CDK15: variants seen among roughly 807,000 people sequenced by gnomAD.
The protein encoded by CDK15 is cyclin dependent kinase 15.
A neutral mutation model predicts 60.3 loss-of-function variants in CDK15; 62 were observed. The observed-to-expected ratio is 1.03, with a 90% CI of 0.84 to 1.27. The LOEUF (loss-of-function observed/expected upper bound fraction) is 1.27, where lower values mean the gene tolerates loss of function less well. Among genes scored for constraint, CDK15 ranks in the 50% most tolerant of loss-of-function variants. The pLI, the probability that CDK15 is intolerant of heterozygous loss-of-function variation, is 0.00. For synonymous variants in CDK15, 194 were observed against 195.7 expected (o/e 0.99, Z 0.07); for missense variants, 541 against 527.8 (o/e 1.03, Z -0.25).
intron 12 of CDK15, among the ~76,000 whole-genome samples, chr2:201,887,016 AG>A (rs1370286679): frequency 6.6e-6 from 1 of 152,206 alleles, no homozygotes; most frequent in African/African-American, 2.4e-5. Flanking sequence ...ATAATTGAAT[AG>A]GGGGGAAAAC....
rs141564622 is a variant in CDK15, at chr2:201,871,081, C to T, written c.1010-1197C>T. On this transcript the variant is annotated intron_variant, in intron 10 of 13. Coordinates refer to ENST00000652192, the MANE Select transcript of CDK15 (RefSeq NM_001366386.2). ...TTATTATCACCTATTTTGGAATATTCAAGCCAGGATTCACTTCCATTTTTA... is the reference window on the plus strand; with the variant it reads ...TTATTATCACCTATTTTGGAATATTTAAGCCAGGATTCACTTCCATTTTTA... 2.8e-3 allele frequency among the ~76,000 whole-genome samples: 426 copies of T among 152,260 alleles called. 2 individuals carry two copies. Among genetic ancestry groups the T allele is most frequent in the African/African-American group, 9.2e-3 (381 of 41,556 alleles).
chr2:201,870,884 C>T (rs925507002), intron 10 of CDK15, among the ~76,000 whole-genome samples: 1 of 152,168 alleles, frequency 6.6e-6, no homozygotes, highest in African/African-American at 2.4e-5. Context: ...CCCTGCAGCT[C>T]CTCTTACATA....
At chr2:201,807,989 A>G (rs1695594618) in intron 3 of CDK15, 37 bp downstream of exon 3, 1 of 1,545,190 alleles carries the variant, frequency 6.5e-7, no homozygotes, top group Non-Finnish European at 8.9e-7. Context: ...TTTAGAGATG[A>G]GAGTCCCGCC....
intron 12 of CDK15, 26 bp from the exon 13 acceptor site, chr2:201,890,759 G>C: frequency 1.3e-6 from 2 of 1,529,584 alleles, no homozygotes; most frequent in East Asian, 4.6e-5. Context: ...TAACATATTG[G>C]TGCTTCTCTC....
At chr2:201,858,247 TA>T (rs1243490401) in intron 10 of CDK15, among the ~76,000 whole-genome samples, 1 of 152,236 alleles carries the variant, frequency 6.6e-6, no homozygotes, top group East Asian at 1.9e-4. Flanking sequence ...AGCAGGGTTG[TA>T]AGTTTTCTAG....
chr2:201,847,275 A>T (rs1697711384), intron 8 of CDK15, 106 bp from the exon 9 acceptor site: 2 of 1,133,458 alleles, frequency 1.8e-6, no homozygotes, highest in Non-Finnish European at 2.6e-6. Context: ...TGTGGTCCGT[A>T]TTTAACTCTC....
intron 9 of CDK15, among the ~76,000 whole-genome samples, chr2:201,851,712 T>G (rs558180188): frequency 2.0e-5 from 3 of 152,168 alleles, no homozygotes; most frequent in South Asian, 4.1e-4. Flanking sequence ...CAGGCTGGAA[T>G]GCAGTGGCTT....
At chr2:201,837,025 G>A (rs763876283) in intron 8 of CDK15, among the ~76,000 whole-genome samples, 3 of 151,988 alleles carry the variant, frequency 2.0e-5, no homozygotes, top group East Asian at 1.9e-4. Context: ...TGGGCTTGCC[G>A]TCTCATGCCT....
Position 201,847,484 on chromosome 2 carries a change from TAA to T in CDK15, c.945+11_945+12del. 3.7e-6 allele frequency: 6 copies of T among 1,608,868 alleles called. No homozygotes were observed. The highest frequency in any genetic ancestry group is 5.1e-6 in the Non-Finnish European group (6 of 1,176,334). ...GGAGAAAATCTGGGAGGTAGGAGAA[TAA>T]TTCTTCTAAAGAAAATGAAATATCT... On this transcript the variant is annotated intron_variant, in intron 9 of 13. Coordinates refer to ENST00000652192, the MANE Select transcript of CDK15 (RefSeq NM_001366386.2).
Position 201,885,295 on chromosome 2 carries a change from A to G in CDK15, c.1198+5128A>G, listed in dbSNP as rs143781214. On this transcript the variant is annotated intron_variant, in intron 12 of 13. Transcript: ENST00000652192. ...GTTTATTGGTTTTTTTGTGTATTCT[A>G]TTCAAAGTTGAACCAGAATATTTTG... is the stretch of plus-strand genomic sequence containing the variant. 2.9e-4 allele frequency among the ~76,000 whole-genome samples: 44 copies of G among 152,234 alleles called. 1 individual carries two copies. The highest frequency in any genetic ancestry group is 1.1e-3 in the African/African-American group (44 of 41,548).
chr2:201,891,682 C>G (rs182447200), intron 13 of CDK15, among the ~76,000 whole-genome samples: 275 of 152,184 alleles, frequency 1.8e-3, no homozygotes, highest in Middle Eastern at 3.4e-3. Context: ...CAAAAGTCAC[C>G]GTAGTATAGA....
At chr2:201,849,944 C>T (rs890451774) in intron 9 of CDK15, among the ~76,000 whole-genome samples, 1 of 152,262 alleles carries the variant, frequency 6.6e-6, no homozygotes, top group Admixed American at 6.5e-5. Context: ...CCTGCCTCAG[C>T]CTCCTGACTA....
intron 8 of CDK15, among the ~76,000 whole-genome samples, chr2:201,841,920 T>C (rs983248983): frequency 2.0e-5 from 3 of 152,228 alleles, no homozygotes; most frequent in African/African-American, 7.2e-5. Context: ...TTAGTGACTT[T>C]AGTGAGAAAA....
At chr2:201,812,187 A>AAAAAC (rs1695803891) in intron 3 of CDK15, among the ~76,000 whole-genome samples, 1 of 147,856 alleles carries the variant, frequency 6.8e-6, no homozygotes, top group Admixed American at 6.7e-5. Context: ...AAAAAAAAAA[A>AAAAAC]AAAACAAAAA....
intron 9 of CDK15, among the ~76,000 whole-genome samples, chr2:201,848,009 C>T (rs1464674275): frequency 6.6e-6 from 1 of 152,064 alleles, no homozygotes; most frequent in Non-Finnish European, 1.5e-5. Context: ...CACCTTAGTC[C>T]CAGCTATTCA....
chr2:201,842,354 T>C (rs1242183874), intron 8 of CDK15, among the ~76,000 whole-genome samples: 1 of 152,232 alleles, frequency 6.6e-6, no homozygotes. Flanking sequence ...CAAGGTCATC[T>C]ATTCAGTATC....
At chr2:201,817,640 C>A (rs953585949) in intron 4 of CDK15, among the ~76,000 whole-genome samples, 1 of 152,098 alleles carries the variant, frequency 6.6e-6, no homozygotes, top group Non-Finnish European at 1.5e-5. Flanking sequence ...GGCTAAGGAG[C>A]CTCCCTAAGG....
intron 9 of CDK15, among the ~76,000 whole-genome samples, chr2:201,851,578 C>T (rs534667824): frequency 3.9e-4 from 60 of 152,276 alleles, no homozygotes; most frequent in Admixed American, 1.4e-3. Flanking sequence ...AAAGGCCCCA[C>T]CTCTTAATAC....
At chr2:201,870,901 G>A (rs1698829719) in intron 10 of CDK15, among the ~76,000 whole-genome samples, 1 of 152,134 alleles carries the variant, frequency 6.6e-6, no homozygotes, top group Non-Finnish European at 1.5e-5. Flanking sequence ...CATAGAAGAA[G>A]CCCTTACATA....
Sources: gnomAD v4.1 joint callset for allele counts (sites outside exome capture counted in the v4.1 genomes callset) on GRCh38, gnomAD v4.1.1 for gene constraint, MANE v1.5 for transcripts, NCBI Gene and HGNC (gene_info 2026-07-23, HGNC 2026-07-21) for gene names.